Variants in SDK1 observed in about 807,000 individuals in gnomAD.
The protein encoded by SDK1 is sidekick cell adhesion molecule 1, also known as protein sidekick-1.
SDK1 carries 157 observed loss-of-function variants against 245.5 expected under a neutral mutation model. That is an observed-to-expected ratio of 0.64 (90% CI 0.56 to 0.73). SDK1 has a LOEUF of 0.73. Ranked by LOEUF, SDK1 falls within the 30% of genes least tolerant of loss-of-function variation. SDK1 has a pLI of 0.00. For missense variants in SDK1, 3,583 were observed against 3,002.3 expected (o/e 1.19, Z -4.52); for synonymous variants, 1,647 against 1,278.5 (o/e 1.29, Z -6.15).
chr7:3,620,790 C>T (rs1308835182), intron 2 of SDK1, among the ~76,000 whole-genome samples: 1 of 152,080 alleles, frequency 6.6e-6, no homozygotes, highest in East Asian at 1.9e-4. Context: ...TCTGGCAGCC[C>T]CGTCCCTTGT....
intron 16 of SDK1, among the ~76,000 whole-genome samples, chr7:4,016,533 A>G (rs1450645405): frequency 6.6e-6 from 1 of 152,244 alleles, no homozygotes; most frequent in Non-Finnish European, 1.5e-5. Context: ...TGAGTTGTGT[A>G]CATTATCTTT....
intron 5 of SDK1, among the ~76,000 whole-genome samples, chr7:3,896,400 G>T (rs1374339558): frequency 6.6e-6 from 1 of 152,142 alleles, no homozygotes. Context: ...GCCTCCTCCT[G>T]TTATTTCCTG....
intron 7 of SDK1, 41 bp from the exon 8 acceptor site, chr7:3,958,889 CT>C: frequency 6.7e-7 from 1 of 1,483,312 alleles, no homozygotes; most frequent in Non-Finnish European, 9.4e-7. Context: ...CTGACATATC[CT>C]TCTTTGGCTT....
At chr7:4,018,934 G>A (rs1364785327) in intron 17 of SDK1, among the ~76,000 whole-genome samples, 2 of 152,186 alleles carry the variant, frequency 1.3e-5, no homozygotes, top group East Asian at 3.9e-4. Flanking sequence ...AGCTCCAAAG[G>A]CTGGCAATGA....
chr7:3,856,871 C>G (rs1408524004), intron 5 of SDK1, among the ~76,000 whole-genome samples: 1 of 151,948 alleles, frequency 6.6e-6, no homozygotes, highest in Non-Finnish European at 1.5e-5. Context: ...AAACATTAAC[C>G]ATGTTGATTA....
Position 4,241,808 on chromosome 7 carries a change from C to T in SDK1, c.6146C>T (p.Thr2049Ile). 1 of 1,614,152 alleles carries T rather than the reference C, an allele frequency of 6.2e-7. No individual in the cohort carries two copies. The highest frequency in any genetic ancestry group is 1.3e-5 in the African/African-American group (1 of 75,064). Residue 2049 changes from threonine to isoleucine, a missense_variant, in exon 43 of 45, where the codon ACC becomes ATC. By Grantham distance (89) the Thr-to-Ile change is moderately conservative. Transcript: ENST00000404826. ...KNCSTGKGIS[T>I]MEESVTLDNG... ...TGGGCTTTAGGAAAGGGGATCTCCA[C>T]CATGGAGGAGTCTGTGACCCTGGAC...
At chr7:3,316,266 G>T (rs1243195601) in intron 1 of SDK1, among the ~76,000 whole-genome samples, 1 of 152,146 alleles carries the variant, frequency 6.6e-6, no homozygotes, top group Non-Finnish European at 1.5e-5. Flanking sequence ...TTATAATTCT[G>T]TATGTTTATG....
At chr7:3,951,109 A>G (rs1583613952) in intron 6 of SDK1, 75 bp downstream of exon 6, 1 of 1,117,664 alleles carries the variant, frequency 8.9e-7, no homozygotes, top group Non-Finnish European at 1.4e-6. Flanking sequence ...AGAAGGATAC[A>G]CTGGAGCATG....
chr7:4,131,445 G>A (rs937416726), intron 27 of SDK1, among the ~76,000 whole-genome samples: 7 of 152,222 alleles, frequency 4.6e-5, no homozygotes, highest in African/African-American at 1.4e-4. Context: ...CCCAAAATAG[G>A]CGTCATAACA....
intron 12 of SDK1, among the ~76,000 whole-genome samples, chr7:3,972,184 A>G (rs1181852963): frequency 6.7e-6 from 1 of 148,892 alleles, no homozygotes; most frequent in Non-Finnish European, 1.5e-5. Context: ...GGTTCACACC[A>G]TTGTCCTGCC....
At chr7:3,588,912 A>G (rs1780771577) in intron 1 of SDK1, among the ~76,000 whole-genome samples, 1 of 152,256 alleles carries the variant, frequency 6.6e-6, no homozygotes, top group Admixed American at 6.5e-5. Flanking sequence ...TGGCTTATCA[A>G]AAATGAGATC....
rs1270325137 is a variant in SDK1 at position 4,178,594 on chromosome 7, C to T, written c.5098+8C>T. On this transcript the variant is annotated splice_region_variant and intron_variant, in intron 35 of 44. Coordinates refer to ENST00000404826, the MANE Select transcript of SDK1 (RefSeq NM_152744.4). ...TCTTTGTCGGCGAGGCTGGTAAGCT[C>T]CGTGCACCCCCAACCCCACTGCCAG... The T allele has an allele frequency of 1.3e-6, 2 of 1,597,828 alleles. No homozygotes were observed. The highest frequency in any genetic ancestry group is 2.7e-5 in the African/African-American group (2 of 74,680).
intron 35 of SDK1, among the ~76,000 whole-genome samples, chr7:4,201,484 T>G (rs1025703338): frequency 3.3e-5 from 5 of 152,222 alleles, no homozygotes; most frequent in African/African-American, 1.2e-4. Context: ...AGAAAATTAT[T>G]TCATTATATT....
chr7:3,619,306 G>C (rs1429965171), intron 2 of SDK1, 67 bp downstream of exon 2: 1 of 1,358,030 alleles, frequency 7.4e-7, no homozygotes, highest in African/African-American at 1.4e-5. Flanking sequence ...TGCCTTACTG[G>C]TCATAATAGC....
chr7:3,637,045 TC>T (rs1186188115), intron 2 of SDK1, among the ~76,000 whole-genome samples: 2 of 149,952 alleles, frequency 1.3e-5, no homozygotes, highest in African/African-American at 5.0e-5. Context: ...AGCTTTTTTT[TC>T]CTGATGCAGA....
intron 5 of SDK1, among the ~76,000 whole-genome samples, chr7:3,902,859 G>GA (rs36029807): frequency 0.28 from 43,249 of 151,860 alleles, 7,801 homozygotes; most frequent in African/African-American, 0.51. Flanking sequence ...CAGAATGACA[G>GA]AAAAAATTGC....
intron 1 of SDK1, among the ~76,000 whole-genome samples, chr7:3,425,086 T>C (rs1235824152): frequency 6.6e-6 from 1 of 151,124 alleles, no homozygotes; most frequent in African/African-American, 2.4e-5. Context: ...CCTATGTTTT[T>C]TCAAACTTGA....
intron 1 of SDK1, among the ~76,000 whole-genome samples, chr7:3,349,201 C>CAA (rs72564315): frequency 1.3e-5 from 2 of 151,100 alleles, no homozygotes; most frequent in African/African-American, 4.9e-5. Context: ...AAAAAAACAA[C>CAA]AAAAAAAACA....
chr7:3,906,533 C>G (rs908092313), intron 5 of SDK1, among the ~76,000 whole-genome samples: 3 of 151,152 alleles, frequency 2.0e-5, no homozygotes, highest in African/African-American at 7.3e-5. Flanking sequence ...TGCTATTGTC[C>G]TGCTGGTTTC....
Sources: gnomAD v4.1 joint callset for allele counts (sites outside exome capture counted in the v4.1 genomes callset) on GRCh38, gnomAD v4.1.1 for gene constraint, MANE v1.5 for transcripts, NCBI Gene and HGNC (gene_info 2026-07-23, HGNC 2026-07-21) for gene names.